RPS6KC1: variants seen among roughly 807,000 people sequenced by gnomAD.
RPS6KC1 encodes the protein inactive ribosomal protein S6 kinase delta-1.
In RPS6KC1, 54 loss-of-function variants were observed where a neutral mutation model predicts 103.8. The ratio of observed to expected loss-of-function variants is 0.52; its 90% CI spans 0.42 to 0.65. The LOEUF is 0.65. Ranked by LOEUF, RPS6KC1 falls within the 30% of genes least tolerant of loss-of-function variation. The pLI is 0.00. For synonymous variants in RPS6KC1, 439 were observed against 438.7 expected, an observed-to-expected ratio of 1.00 and a Z score of -0.01; for missense variants, 1,151 against 1,253.8, an observed-to-expected ratio of 0.92 and a Z score of 1.24.
At chr1:213,152,729 G>A (rs529201060) in intron 6 of RPS6KC1, among the ~76,000 whole-genome samples, 1,692 of 151,784 alleles carry the variant, frequency 0.011, 9 homozygotes, top group African/African-American at 0.039. Context: ...GATGGCGGCC[G>A]GGCGGAGACG....
chr1:213,698,460 C>T, the RPS6KC1 span, among the ~76,000 whole-genome samples: 53 of 152,222 alleles, frequency 3.5e-4, 1 homozygote, highest in Middle Eastern at 0.024. Flanking sequence ...GTTTCATTAT[C>T]CTCTGGGATT....
intron 4 of RPS6KC1, among the ~76,000 whole-genome samples, chr1:213,115,635 A>G (rs944732184): frequency 5.9e-5 from 9 of 151,492 alleles, no homozygotes; most frequent in African/African-American, 1.9e-4. Context: ...AGTTCTTTTA[A>G]TTGTGATGTT....
intron 14 of RPS6KC1, 61 bp from the exon 15 acceptor site, chr1:213,272,463 T>C (rs1451315994): frequency 4.7e-6 from 6 of 1,275,124 alleles, no homozygotes; most frequent in Non-Finnish European, 6.9e-6. Flanking sequence ...TTTTCAAATA[T>C]TGGTTTTCCT....
At chr1:213,444,381 G>T in the RPS6KC1 span, among the ~76,000 whole-genome samples, 1 of 152,098 alleles carries the variant, frequency 6.6e-6, no homozygotes, top group African/African-American at 2.4e-5. Context: ...TTCCTTCTCT[G>T]ATGTGGGGTA....
chr1:213,359,041 G>A, the RPS6KC1 span, among the ~76,000 whole-genome samples: 1 of 152,192 alleles, frequency 6.6e-6, no homozygotes, highest in Admixed American at 6.5e-5. Context: ...TGTTGATTAG[G>A]GGTGGAGAGT....
At chr1:213,849,823 A>G in the RPS6KC1 span, among the ~76,000 whole-genome samples, 7 of 152,236 alleles carry the variant, frequency 4.6e-5, no homozygotes, top group African/African-American at 1.7e-4. Flanking sequence ...TAGCTTCTGC[A>G]AAAGTTTTAT....
At chr1:213,328,540 A>ATATATATATATATC in the RPS6KC1 span, among the ~76,000 whole-genome samples, 1 of 133,262 alleles carries the variant, frequency 7.5e-6, no homozygotes, top group Non-Finnish European at 1.6e-5. Context: ...ATATATATAT[A>ATATATATATATATC]TCACACACAC....
chr1:213,712,359 CT>C, the RPS6KC1 span, among the ~76,000 whole-genome samples: 1,227 of 152,308 alleles, frequency 8.1e-3, 18 homozygotes, highest in African/African-American at 0.028. Flanking sequence ...GCAGATGCCC[CT>C]CCCCTCACCA....
chr1:213,077,631 A>G, intron 2 of RPS6KC1, 65 bp from the exon 3 acceptor site: 1 of 1,015,030 alleles, frequency 9.9e-7, no homozygotes, highest in Non-Finnish European at 1.4e-6. Context: ...TGAAAGGATT[A>G]TTTGTTGTTC....
chr1:213,545,411 T>TAAATAAATAAATAAATAAAATA, the RPS6KC1 span, among the ~76,000 whole-genome samples: 1 of 75,254 alleles, frequency 1.3e-5, no homozygotes, highest in Non-Finnish European at 3.1e-5. Flanking sequence ...AATAAATAAA[T>TAAATAAATAAATAAATAAAATA]AAATAAAATA....
chr1:213,791,786 C>A, the RPS6KC1 span, among the ~76,000 whole-genome samples: 1 of 152,040 alleles, frequency 6.6e-6, no homozygotes, highest in African/African-American at 2.4e-5. Flanking sequence ...GGAGTCAGAC[C>A]AAGAGTAGTT....
the RPS6KC1 span, among the ~76,000 whole-genome samples, chr1:213,838,371 A>G: frequency 6.6e-6 from 1 of 152,208 alleles, no homozygotes; most frequent in Non-Finnish European, 1.5e-5. Context: ...GTTTTCAGGA[A>G]GTCTTTATGT....
intron 8 of RPS6KC1, among the ~76,000 whole-genome samples, chr1:213,222,319 A>G (rs942786261): frequency 6.6e-6 from 1 of 152,314 alleles, no homozygotes; most frequent in African/African-American, 2.4e-5. Context: ...TATCCTTGAG[A>G]GTAATAGCTG....
chr1:213,159,348 G>T (rs2090232501), intron 6 of RPS6KC1, among the ~76,000 whole-genome samples: 1 of 152,174 alleles, frequency 6.6e-6, no homozygotes, highest in Non-Finnish European at 1.5e-5. Context: ...GCTTGGAAAA[G>T]AGAGCCACTT....
chr1:213,500,522 T>C, the RPS6KC1 span, among the ~76,000 whole-genome samples: 1 of 152,232 alleles, frequency 6.6e-6, no homozygotes, highest in Non-Finnish European at 1.5e-5. Context: ...CATAGTTGTT[T>C]ATTATTATCA....
At chr1:213,195,974 C>A (rs2092931955) in intron 8 of RPS6KC1, among the ~76,000 whole-genome samples, 2 of 152,022 alleles carry the variant, frequency 1.3e-5, no homozygotes, top group South Asian at 4.2e-4. Flanking sequence ...ATAATGACTT[C>A]TTTTCCTCTG....
At chr1:213,060,857 A>G (rs953728586) in intron 1 of RPS6KC1, among the ~76,000 whole-genome samples, 2 of 152,238 alleles carry the variant, frequency 1.3e-5, no homozygotes, top group Non-Finnish European at 1.5e-5. Flanking sequence ...CTAGAAAGCC[A>G]CAACTCCTTA....
intron 1 of RPS6KC1, among the ~76,000 whole-genome samples, chr1:213,058,059 C>A (rs542144991): frequency 2.7e-5 from 3 of 111,948 alleles, no homozygotes; most frequent in South Asian, 2.8e-4. Context: ...TGCGCCTGAC[C>A]TTTTTTTTTT....
chr1:213,749,650 C>T, the RPS6KC1 span, among the ~76,000 whole-genome samples: 1 of 152,072 alleles, frequency 6.6e-6, no homozygotes, highest in African/African-American at 2.4e-5. Context: ...TCGGGGAGCA[C>T]CTCCCACCTC....
Sources: gnomAD v4.1 joint callset for allele counts (sites outside exome capture counted in the v4.1 genomes callset) on GRCh38, gnomAD v4.1.1 for gene constraint, MANE v1.5 for transcripts, NCBI Gene and HGNC (gene_info 2026-07-23, HGNC 2026-07-21) for gene names.